Variants in SLC9A5 observed in about 807,000 individuals in gnomAD.
SLC9A5 encodes the protein solute carrier family 9 member A5, also known as sodium/hydrogen exchanger 5.
Under a neutral mutation model 91.7 loss-of-function variants are expected in SLC9A5, and 52 were observed. That is an observed-to-expected ratio of 0.57 (90% CI 0.45 to 0.71). The LOEUF (loss-of-function observed/expected upper bound fraction) is 0.71, where lower values mean the gene tolerates loss of function less well. SLC9A5 is among the 30% of genes least tolerant of loss of function. SLC9A5 has a pLI of 0.00. For synonymous variants in SLC9A5, 419 were observed against 474.5 expected (o/e 0.88, Z 1.52); for missense variants, 871 against 1,158.9 (o/e 0.75, Z 3.61).
chr16:67,266,392 T>C (rs575646572), intron 15 of SLC9A5, among the ~76,000 whole-genome samples, 167 bp downstream of exon 15: 1 of 152,310 alleles, frequency 6.6e-6, no homozygotes, highest in South Asian at 2.1e-4. Context: ...ATAGGTAATA[T>C]TCAACCCTCA....
rs1447652918 is a variant in SLC9A5 at position 67,255,942 on chromosome 16, G to C, written c.911+12G>C. On this transcript the variant is annotated intron_variant, in intron 5 of 15. Coordinates refer to ENST00000299798, the MANE Select transcript of SLC9A5 (RefSeq NM_004594.3). The surrounding 1 kb of genome is among the most constrained non-coding windows in gnomAD (Gnocchi z 4.9). ...TCCGCCATTCTTGCGTGAGTTCTGG[G>C]GGCCTTGCAGGCAGATAGCTGGGAG... The C allele has an allele frequency of 8.7e-6, 14 of 1,610,000 alleles. No individual in the cohort carries two copies. In the South Asian group the frequency reaches 1.5e-4, roughly 18 times the overall value.
Position 67,271,216 on chromosome 16 carries a change from G to A in SLC9A5, c.*6G>A. On this transcript the variant is annotated 3_prime_UTR_variant, in exon 16 of 16. Transcript: ENST00000299798. The stretch of plus-strand genomic sequence containing the variant: ...ACAGAGGCAGCCGGCTGTAGCTCAA[G>A]GCCTCGGGGAGGAGCAGGAGGTGGA... The A allele has an allele frequency of 6.2e-7, 1 of 1,607,876 alleles. No homozygotes were observed. The highest frequency in any genetic ancestry group is 1.7e-4 in the Middle Eastern group (1 of 6,052).
chr16:67,254,365 T>G (rs1288767916), intron 2 of SLC9A5, among the ~76,000 whole-genome samples: 2 of 152,228 alleles, frequency 1.3e-5, no homozygotes, highest in African/African-American at 4.8e-5. Flanking sequence ...TTATTATTAC[T>G]GTTGCTACAG....
chr16:67,271,150 C>T lies in SLC9A5; in HGVS notation c.2631C>T (p.Leu877=), dbSNP rs761974742. Residue 877 remains leucine (L), a synonymous_variant, in exon 16 of 16, where the codon CTC becomes CTT. Coordinates refer to ENST00000299798, the MANE Select transcript of SLC9A5 (RefSeq NM_004594.3). ...PLMGHKDHTH[L]SPGTATSHWC... ...TGGGCCACAAGGACCACACCCATCT[C>T]AGCCCAGGCACCGCTACCTCCCACT... The T allele has an allele frequency of 1.2e-6, 2 of 1,613,366 alleles. No homozygotes were observed. Among genetic ancestry groups the T allele is most frequent in the Non-Finnish European group, 1.7e-6 (2 of 1,180,040 alleles).
Position 67,255,537 on chromosome 16 carries a change from C to T in SLC9A5, c.733+66C>T. The T allele has an allele frequency of 6.7e-7, 1 of 1,491,216 alleles. No individual in the cohort carries two copies. Among genetic ancestry groups the T allele is most frequent in the Non-Finnish European group, 9.4e-7 (1 of 1,068,854 alleles). The allele number at this position is 1,491,216 out of a possible 1,614,324, so 92.4% of individuals were successfully genotyped here. On this transcript the variant is annotated intron_variant, in intron 4 of 15. Coordinates refer to ENST00000299798, the MANE Select transcript of SLC9A5 (RefSeq NM_004594.3). This position sits in a 1 kb window ranked among gnomAD's most constrained non-coding sequence, Gnocchi z 4.9. ...CTCCCCTGGGTTGCTGAGGCCCTCCCACCCCGCATCAGGACAGAAGAGGCT... is the reference window on the plus strand; with the variant it reads ...CTCCCCTGGGTTGCTGAGGCCCTCCTACCCCGCATCAGGACAGAAGAGGCT...
At position 67,259,939 on chromosome 16, in the gene SLC9A5, G is replaced by A. The variant is rs760209962; in HGVS notation, c.1835G>A (p.Arg612His). The change falls in exon 12 of 16, where the codon CGC becomes CAC. Residue 612 changes from arginine (R) to histidine (H), a missense_variant. By Grantham distance (29) the Arg-to-His change is conservative (BLOSUM62 0). Around this residue, in one of 3 missense-constraint regions of SLC9A5, gnomAD observed 454 missense variants for 718.3 expected, o/e 0.63. Transcript: ENST00000299798. ...HLLCGGLYKP[R>H]RRYKASCSRH... Reference sequence around the variant, plus strand: ...CTCTGCGGAGGCCTCTACAAGCCGCGCCGTAGGGTGAGAGCAGGCAGGCAT... The same window carrying A: ...CTCTGCGGAGGCCTCTACAAGCCGCACCGTAGGGTGAGAGCAGGCAGGCAT... 6.2e-6 allele frequency: 10 copies of A among 1,613,858 alleles called. No individual in the cohort carries two copies. Among genetic ancestry groups the A allele is most frequent in the Middle Eastern group, 1.7e-4 (1 of 6,044 alleles).
rs914320670 is a variant in SLC9A5, at chr16:67,271,395, T to C, written c.*185T>C. ...CCTCACAGGGGCCTTTCTCACCACC[T>C]CCCTGCTCCTAACCCCTGCCACTTT... On this transcript the variant is annotated 3_prime_UTR_variant, in exon 16 of 16. Coordinates refer to ENST00000299798, the MANE Select transcript of SLC9A5 (RefSeq NM_004594.3). 1 of 610,402 alleles carries C rather than the reference T, an allele frequency of 1.6e-6. No individual in the cohort carries two copies. The highest frequency in any genetic ancestry group is 1.8e-5 in the African/African-American group (1 of 54,284). 37.8% of individuals were successfully genotyped at this position (610,402 alleles called of 1,614,324 possible).
chr16:67,266,926 C>G (rs2035731592), intron 15 of SLC9A5, among the ~76,000 whole-genome samples: 1 of 130,936 alleles, frequency 7.6e-6, no homozygotes, highest in Admixed American at 8.2e-5. Context: ...TTTTTTGAGA[C>G]AGGATCTCAC....
At chr16:67,268,691 TATATATATATATATATATA>T (rs2035815345) in intron 15 of SLC9A5, among the ~76,000 whole-genome samples, 1 of 80,820 alleles carries the variant, frequency 1.2e-5, no homozygotes, top group Non-Finnish European at 2.2e-5. Flanking sequence ...TATATATATA[TATATATATATATATATATA>T]TTTTTACAGT....
At position 67,255,039 on chromosome 16, in the gene SLC9A5, G is replaced by C; in HGVS notation, c.509G>C (p.Gly170Ala). The C allele has an allele frequency of 2.5e-6, 4 of 1,613,888 alleles. No homozygotes were observed. The highest frequency in any genetic ancestry group is 3.4e-6 in the Non-Finnish European group (4 of 1,179,910). ...TTAATAGCCCCTAGGGTGCAGGCTG[G>C]CTTACTGGACTTCCTGCTGTTTGGG... ...AGLVAPRVQA[G>A]LLDFLLFGSL... Residue 170 changes from glycine (G) to alanine (A), a missense_variant, in exon 3 of 16, where the codon GGC (glycine) becomes GCC (alanine). Physicochemically the swap from Gly to Ala is moderately conservative, Grantham distance 60. Transcript: ENST00000299798. The surrounding 1 kb of genome is among the most constrained non-coding windows in gnomAD (Gnocchi z 4.9).
At chr16:67,265,573 C>A (rs1421556864) in intron 14 of SLC9A5, among the ~76,000 whole-genome samples, 2 of 152,142 alleles carry the variant, frequency 1.3e-5, no homozygotes, top group African/African-American at 4.8e-5. Flanking sequence ...TGCACGCCAC[C>A]ACACCTGGCT....
In SLC9A5 at chr16:67,271,262, C is replaced by A; in HGVS notation, c.*52C>A. 6.8e-7 allele frequency: 1 copy of A among 1,480,932 alleles called. No individual in the cohort carries two copies. The highest frequency in any genetic ancestry group is 1.2e-5 in the South Asian group (1 of 85,062). The allele number at this position is 1,480,932 out of a possible 1,614,324, so 91.7% of individuals were successfully genotyped here. On this transcript the variant is annotated 3_prime_UTR_variant, in exon 16 of 16. Transcript: ENST00000299798. ...GTGGAATCCCTGTGGGAAGTGCTCC[C>A]TGGGTGATGGGTAGAGCCCTCGAAA...
intron 1 of SLC9A5, among the ~76,000 whole-genome samples, chr16:67,251,691 G>C (rs1204080722): frequency 1.3e-5 from 2 of 151,968 alleles, no homozygotes; most frequent in Non-Finnish European, 2.9e-5. Flanking sequence ...TGGGATTACA[G>C]GCATGAGCCA....
Position 67,255,480 on chromosome 16 carries a change from T to A in SLC9A5, c.733+9T>A. ...CTACCTGAAGGGAGTCGGTCAGTAT[T>A]TCCCCGCTCCCAGCTGGCATTGGAG... is the stretch of plus-strand genomic sequence containing the variant. On this transcript the variant is annotated intron_variant, in intron 4 of 15. Transcript: ENST00000299798. This position sits in a 1 kb window ranked among gnomAD's most constrained non-coding sequence, Gnocchi z 4.9. 6.2e-7 allele frequency: 1 copy of A among 1,613,846 alleles called. No individual in the cohort carries two copies. The highest frequency in any genetic ancestry group is 1.1e-5 in the South Asian group (1 of 91,076).
At position 67,270,839 on chromosome 16, in the gene SLC9A5, T is replaced by C; in HGVS notation, c.2320T>C (p.Tyr774His). Reference sequence around the variant, plus strand: ...GAGTGGGCAGGGGGACCTGGCAGTGTACGTGTCCTCGGAAACCACCAAGAT... The same window carrying C: ...GAGTGGGCAGGGGGACCTGGCAGTGCACGTGTCCTCGGAAACCACCAAGAT... ...WKSGQGDLAV[Y>H]VSSETTKIVP... is the part of the protein sequence containing the mutation. The change falls in exon 16 of 16, where the codon TAC (tyrosine) becomes CAC (histidine). Residue 774 changes from tyrosine to histidine, a missense_variant. Tyr to His is a moderately conservative substitution (Grantham distance 83). Coordinates refer to ENST00000299798, the MANE Select transcript of SLC9A5 (RefSeq NM_004594.3). The surrounding 1 kb of genome is among the most constrained non-coding windows in gnomAD (Gnocchi z 4.3). 6.2e-7 allele frequency: 1 copy of C among 1,614,046 alleles called. No homozygotes were observed.
Position 67,255,134 on chromosome 16 carries a change from C to G in SLC9A5, c.604C>G (p.Leu202Val), listed in dbSNP as rs377169941. Residue 202 changes from leucine (L) to valine (V), a missense_variant, in exon 3 of 16, where the codon CTC becomes GTC. Physicochemically the swap from Leu to Val is conservative, Grantham distance 32 (BLOSUM62 1). Coordinates refer to ENST00000299798, the MANE Select transcript of SLC9A5 (RefSeq NM_004594.3). This position sits in a 1 kb window ranked among gnomAD's most constrained non-coding sequence, Gnocchi z 4.9. ...TGAGGAGGTGCACGTCAATGAGACT[C>G]TCTTTATCATCGTCTTTGGCGAGTC... ...VFEEVHVNET[L>V]FIIVFGESLL... 4 of 1,613,996 alleles carry G rather than the reference C, an allele frequency of 2.5e-6. No individual in the cohort carries two copies. Among genetic ancestry groups the G allele is most frequent in the Non-Finnish European group, 3.4e-6 (4 of 1,180,004 alleles).
intron 14 of SLC9A5, among the ~76,000 whole-genome samples, 192 bp from the exon 15 acceptor site, chr16:67,265,896 T>G (rs1357081218): frequency 6.6e-6 from 1 of 152,158 alleles, no homozygotes; most frequent in East Asian, 1.9e-4. Flanking sequence ...TTCCTTGGGC[T>G]CCGCAATGTC....
rs754684995 is a variant in SLC9A5 at position 67,252,873 on chromosome 16, C to T, written c.490+29C>T. On this transcript the variant is annotated intron_variant, in intron 2 of 15. Coordinates refer to ENST00000299798, the MANE Select transcript of SLC9A5 (RefSeq NM_004594.3). This position sits in a 1 kb window ranked among gnomAD's most constrained non-coding sequence, Gnocchi z 4.0. ...AGTGACCCTAAGACCTGGGCTTTGC[C>T]AGACCCATCACCCCTCTCCCTTCTC... 67 of 1,584,338 alleles carry T rather than the reference C, an allele frequency of 4.2e-5. No individual in the cohort carries two copies. In the South Asian group the frequency reaches 7.4e-4, roughly 17 times the overall value.
intron 15 of SLC9A5, among the ~76,000 whole-genome samples, chr16:67,267,082 T>G (rs1453815722): frequency 1.0e-5 from 1 of 95,902 alleles, no homozygotes; most frequent in Non-Finnish European, 2.1e-5. Context: ...CCAGCTGTTG[T>G]TTTTTTTTTT....
Sources: gnomAD v4.1 joint callset for allele counts (sites outside exome capture counted in the v4.1 genomes callset) on GRCh38, gnomAD v4.1.1 for gene constraint, gnomAD v4.1.1 regional missense constraint, Gnocchi (gnomAD v3.1) non-coding constraint, MANE v1.5 for transcripts, NCBI Gene and HGNC (gene_info 2026-07-23, HGNC 2026-07-21) for gene names.